Variants in RNF216 observed in about 807,000 individuals in gnomAD.
The protein encoded by RNF216 is E3 ubiquitin-protein ligase RNF216.
A neutral mutation model predicts 110.8 loss-of-function variants in RNF216; 72 were observed. The ratio of observed to expected loss-of-function variants is 0.65; its 90% confidence interval spans 0.54 to 0.79. The LOEUF is 0.79. Among genes scored for constraint, RNF216 ranks in the 30% least tolerant of loss-of-function variants. The pLI is 0.00. For synonymous variants in RNF216, 495 were observed against 407.5 expected (o/e 1.21, Z -2.59); for missense variants, 1,342 against 1,141.2 (o/e 1.18, Z -2.54).
chr7:5,738,085 T>C (rs1448168249), intron 5 of RNF216, among the ~76,000 whole-genome samples: 50 of 30,172 alleles, frequency 1.7e-3, no homozygotes, highest in Non-Finnish European at 9.8e-4. Context: ...TAAGACTGTC[T>C]CCAAAAAAAA....
chr7:5,675,041 G>A (rs1197797721), intron 13 of RNF216, among the ~76,000 whole-genome samples: 5 of 151,928 alleles, frequency 3.3e-5, no homozygotes, highest in Non-Finnish European at 7.4e-5. Context: ...AGCAAATGTC[G>A]GTACAGAATG....
intron 5 of RNF216, among the ~76,000 whole-genome samples, chr7:5,732,802 G>C (rs1794169562): frequency 6.6e-6 from 1 of 152,230 alleles, no homozygotes; most frequent in Non-Finnish European, 1.5e-5. Context: ...ATGACCTCAT[G>C]TTTGAGCTGA....
intron 15 of RNF216, among the ~76,000 whole-genome samples, chr7:5,626,639 T>C (rs1408589589): frequency 6.7e-6 from 1 of 148,454 alleles, no homozygotes; most frequent in Non-Finnish European, 1.5e-5. Flanking sequence ...CACTCCACCC[T>C]CCACCCTGGG....
At chr7:5,629,660 CT>C (rs1786937331) in intron 15 of RNF216, among the ~76,000 whole-genome samples, 1 of 151,784 alleles carries the variant, frequency 6.6e-6, no homozygotes, top group African/African-American at 2.4e-5. Flanking sequence ...AACCTCATCT[CT>C]ACTAAAAATA....
At chr7:5,653,830 A>G (rs1180428265) in intron 13 of RNF216, among the ~76,000 whole-genome samples, 1 of 152,014 alleles carries the variant, frequency 6.6e-6, no homozygotes, top group African/African-American at 2.4e-5. Context: ...ACAGATCAAC[A>G]CTCCAGACAA....
At chr7:5,768,346 T>TACATACACACACACACAC (rs71547789) in intron 1 of RNF216, among the ~76,000 whole-genome samples, 1 of 71,886 alleles carries the variant, frequency 1.4e-5, no homozygotes, top group Non-Finnish European at 2.7e-5. Context: ...GGCAGGCAAA[T>TACATACACACACACACAC]ACACACACAC....
chr7:5,648,187 A>ACCTCTGC (rs141653945), intron 14 of RNF216, among the ~76,000 whole-genome samples: 2,392 of 151,236 alleles, frequency 0.016, 36 homozygotes, highest in South Asian at 0.049. Flanking sequence ...GCTCACCATA[A>ACCTCTGC]CCTCTGCCCC....
In RNF216 at chr7:5,741,145, TGAG is replaced by T. The variant is rs1383003327; in HGVS notation, c.869_871del (p.Pro290del). Reference sequence around the variant, plus strand: ...AAACTCTCCTAGAGGATGGGCAGGCTGAGGAGAAGAGGGGCCTGAAATCCCACC... The same window carrying T: ...AAACTCTCCTAGAGGATGGGCAGGCTGAGAAGAGGGGCCTGAAATCCCACC... On this transcript the variant is annotated inframe_deletion, in exon 4 of 17. Transcript: ENST00000389902. 2 of 1,614,126 alleles carry T rather than the reference TGAG, an allele frequency of 1.2e-6. No homozygotes were observed. The highest frequency in any genetic ancestry group is 1.1e-5 in the South Asian group (1 of 91,076).
At chr7:5,740,355 T>C (rs367862979) in intron 4 of RNF216, among the ~76,000 whole-genome samples, 1 of 152,116 alleles carries the variant, frequency 6.6e-6, no homozygotes. Context: ...CTTGATATCC[T>C]GATCTTGTGA....
intron 13 of RNF216, among the ~76,000 whole-genome samples, chr7:5,700,263 T>G (rs1477369520): frequency 6.6e-6 from 1 of 152,232 alleles, no homozygotes; most frequent in East Asian, 1.9e-4. Flanking sequence ...ACACGTGCAC[T>G]CACACACAGC....
At chr7:5,776,498 G>A (rs1796782065) in intron 1 of RNF216, among the ~76,000 whole-genome samples, 1 of 151,246 alleles carries the variant, frequency 6.6e-6, no homozygotes, top group Non-Finnish European at 1.5e-5. Flanking sequence ...AGGAGGCTGA[G>A]GCAGGAGAAT....
At chr7:5,756,375 G>C (rs1375634487) in intron 2 of RNF216, among the ~76,000 whole-genome samples, 1 of 152,180 alleles carries the variant, frequency 6.6e-6, no homozygotes, top group African/African-American at 2.4e-5. Context: ...CAATGGTATA[G>C]CTGAATAGTT....
At chr7:5,685,158 C>T (rs961702453) in intron 13 of RNF216, among the ~76,000 whole-genome samples, 7 of 152,138 alleles carry the variant, frequency 4.6e-5, no homozygotes, top group African/African-American at 1.2e-4. Flanking sequence ...TCATGGCCTC[C>T]AGTGATTGGG....
At chr7:5,626,650 C>T (rs1194107357) in intron 15 of RNF216, among the ~76,000 whole-genome samples, 1 of 146,668 alleles carries the variant, frequency 6.8e-6, no homozygotes, top group Non-Finnish European at 1.5e-5. Context: ...CCACCCTGGG[C>T]GACAGAGTGA....
Position 5,680,634 on chromosome 7 carries a change from C to T in RNF216, c.2062-28124G>A, listed in dbSNP as rs1335808069. Among the ~76,000 whole-genome samples, 3 of 152,066 alleles carry T rather than the reference C, an allele frequency of 2.0e-5. No homozygotes were observed. The highest frequency in any genetic ancestry group is 3.9e-4 in the East Asian group (2 of 5,184). ...GGCCAGGATGGTCTCGATCTCCTGA[C>T]CTTGTGATCTGCCCGACTCGGCCTC... On this transcript the variant is annotated intron_variant, in intron 13 of 16. Transcript: ENST00000389902. This position sits in a 1 kb window ranked among gnomAD's most constrained non-coding sequence, Gnocchi z 4.3.
chr7:5,750,553 T>C (rs750572899), intron 3 of RNF216, among the ~76,000 whole-genome samples: 4 of 152,236 alleles, frequency 2.6e-5, no homozygotes, highest in Admixed American at 6.5e-5. Context: ...ACCTGTTAGA[T>C]AGCAGGAACC....
At chr7:5,711,423 T>G (rs781440174) in intron 13 of RNF216, among the ~76,000 whole-genome samples, 5 of 152,198 alleles carry the variant, frequency 3.3e-5, no homozygotes, top group Non-Finnish European at 5.9e-5. Context: ...CAGGGGCTAT[T>G]TGAGCACAGG....
intron 5 of RNF216, among the ~76,000 whole-genome samples, chr7:5,731,226 C>G (rs1794069630): frequency 6.6e-6 from 1 of 152,060 alleles, no homozygotes; most frequent in Admixed American, 6.5e-5. Context: ...CAGTAAAAAA[C>G]AGTCTGCTAA....
At chr7:5,633,520 A>C (rs530692620) in intron 15 of RNF216, among the ~76,000 whole-genome samples, 1 of 152,118 alleles carries the variant, frequency 6.6e-6, no homozygotes, top group African/African-American at 2.4e-5. Context: ...GGCTGCAGTG[A>C]GCCGAGATCA....
Sources: gnomAD v4.1 joint callset for allele counts (sites outside exome capture counted in the v4.1 genomes callset) on GRCh38, gnomAD v4.1.1 for gene constraint, Gnocchi (gnomAD v3.1) non-coding constraint, MANE v1.5 for transcripts, NCBI Gene and HGNC (gene_info 2026-07-23, HGNC 2026-07-21) for gene names.